The following GPRC5C variants were observed in gnomAD, a reference collection of about 807,000 sequenced individuals.
GPRC5C encodes the protein G protein-coupled receptor family C group 5 member C.
GPRC5C carries 22 observed loss-of-function variants against 31.4 expected under a neutral mutation model. That is an observed-to-expected ratio of 0.70 (90% CI 0.50 to 1.00). GPRC5C has a LOEUF of 1.00. Among genes scored for constraint, GPRC5C ranks in the 50% least tolerant of loss-of-function variants. The pLI is 0.00. For missense variants in GPRC5C, 557 were observed against 597.2 expected, an observed-to-expected ratio of 0.93 and a Z score of 0.70; for synonymous variants, 249 against 257.5, an observed-to-expected ratio of 0.97 and a Z score of 0.32.
chr17:74,449,063 C>T, downstream of GPRC5C: 1 of 404,478 alleles, frequency 2.5e-6, no homozygotes, highest in East Asian at 7.3e-5. Context: ...TGTTTCTCCC[C>T]AGCTAGTCAG....
chr17:74,448,919 A>G, downstream of GPRC5C: 1 of 1,287,340 alleles, frequency 7.8e-7, no homozygotes, highest in South Asian at 1.2e-5. Flanking sequence ...ACCCTGGGTA[A>G]GCCAGTCCAG....
rs754647215 is a variant in GPRC5C, at chr17:74,432,100, C to T, written c.-74C>T. The stretch of plus-strand genomic sequence containing the variant: ...CGCCGGCAGGGCCAGAAACTCCCAT[C>T]TCCCTCACCAGCCGGAAAGTACGAG... On this transcript the variant is annotated 5_prime_UTR_variant, in exon 1 of 4. Coordinates refer to ENST00000392627, the MANE Select transcript of GPRC5C (RefSeq NM_022036.4). 2 of 1,613,382 alleles carry T rather than the reference C, an allele frequency of 1.2e-6. No homozygotes were observed. The highest frequency in any genetic ancestry group is 2.7e-5 in the African/African-American group (2 of 74,938).
In GPRC5C at chr17:74,433,829, T is replaced by G. The variant is rs1416582519; in HGVS notation, c.-33+1688T>G. ...TCCAGTGCGGTATCCTTGGCCCTGG[T>G]GGGTGGAGGGGGTCTCAGGCTTGTG... On this transcript the variant is annotated intron_variant, in intron 1 of 3. Coordinates refer to ENST00000392627, the MANE Select transcript of GPRC5C (RefSeq NM_022036.4). 3.6e-6 allele frequency: 4 copies of G among 1,104,632 alleles called. No individual in the cohort carries two copies. The East Asian group carries it at 9.4e-5, about 26-fold the overall frequency. 68.4% of individuals were successfully genotyped at this position (1,104,632 alleles called of 1,614,324 possible).
intron 2 of GPRC5C, among the ~76,000 whole-genome samples, chr17:74,441,882 CGT>C (rs2055546938): frequency 1.3e-5 from 2 of 151,970 alleles, no homozygotes; most frequent in South Asian, 4.2e-4. Flanking sequence ...GCTGTGTGTG[CGT>C]GTCTATTATT....
rs759990592 is a variant in GPRC5C, at chr17:74,440,844, G to GCC, written c.1051+21_1051+22dup. 4.5e-5 allele frequency: 65 copies of GCC among 1,455,250 alleles called. No homozygotes were observed. In the Middle Eastern group the frequency reaches 5.6e-4, roughly 13 times the overall value. 90.1% of individuals were successfully genotyped at this position (1,455,250 alleles called of 1,614,324 possible). A position where few individuals can be genotyped will look rare whatever the true frequency, so the allele number is the denominator to read the frequency against. On this transcript the variant is annotated intron_variant, in intron 2 of 3. Transcript: ENST00000392627. This position sits in a 1 kb window ranked among gnomAD's most constrained non-coding sequence, Gnocchi z 4.4. The stretch of plus-strand genomic sequence containing the variant: ...CGGTTGCAGGTGGGTCTCTGTGGAT[G>GCC]CCCCCAGTGGCCCCTTTCTCCATCC...
chr17:74,440,494 A>G lies in GPRC5C; in HGVS notation c.718A>G (p.Lys240Glu), dbSNP rs2055515648. Residue 240 changes from lysine to glutamate, a missense_variant, in exon 2 of 4, where the codon AAG becomes GAG. By Grantham distance (56) the Lys-to-Glu change is moderately conservative (BLOSUM62 1). Transcript: ENST00000392627. This position sits in a 1 kb window ranked among gnomAD's most constrained non-coding sequence, Gnocchi z 4.4. ...ALCGRYKRWR[K>E]HGVFVLLTTA... ...GTGTGGCCGCTACAAGCGCTGGCGT[A>G]AGCATGGGGTCTTTGTGCTCCTCAC... The G allele has an allele frequency of 6.2e-7, 1 of 1,614,134 alleles. No individual in the cohort carries two copies. The highest frequency in any genetic ancestry group is 1.3e-5 in the African/African-American group (1 of 75,062).
intron 2 of GPRC5C, among the ~76,000 whole-genome samples, chr17:74,442,355 C>A (rs1186376957): frequency 6.6e-6 from 1 of 152,166 alleles, no homozygotes; most frequent in African/African-American, 2.4e-5. Context: ...GTCTCAGCAG[C>A]GCCCTTGTTA....
chr17:74,433,264 G>A (rs1268372354), intron 1 of GPRC5C, among the ~76,000 whole-genome samples: 1 of 152,156 alleles, frequency 6.6e-6, no homozygotes, highest in Non-Finnish European at 1.5e-5. Context: ...CCTTCAACTG[G>A]ACTGGGGGAG....
At chr17:74,438,836 G>C (rs776885033) in intron 1 of GPRC5C, among the ~76,000 whole-genome samples, 12 of 152,216 alleles carry the variant, frequency 7.9e-5, no homozygotes, top group Non-Finnish European at 1.0e-4. Context: ...AAATCCAATT[G>C]GTATTGGGAG....
At position 74,439,785 on chromosome 17, in the gene GPRC5C, C is replaced by G; in HGVS notation, c.9C>G (p.Ile3Met). ...CTGGCCTGGGAGCCAGGATGGCCAT[C>G]CACAAAGCCTTGGTGATGTGCCTGG... MA[I>M]HKALVMCLGL... The change falls in exon 2 of 4, where the codon ATC becomes ATG. Residue 3 changes from isoleucine (I) to methionine (M), a missense_variant. By Grantham distance (10) the Ile-to-Met change is conservative. Transcript: ENST00000392627. 10 of 1,611,216 alleles carry G rather than the reference C, an allele frequency of 6.2e-6. No individual in the cohort carries two copies. Among genetic ancestry groups the G allele is most frequent in the Non-Finnish European group, 7.6e-6 (9 of 1,178,156 alleles).
intron 3 of GPRC5C, among the ~76,000 whole-genome samples, chr17:74,444,228 G>A (rs1365090143): frequency 6.6e-6 from 1 of 152,190 alleles, no homozygotes; most frequent in Non-Finnish European, 1.5e-5. Context: ...GGAGCTGCCA[G>A]CTTTACCCTG....
At chr17:74,435,432 A>G (rs189324504) in intron 1 of GPRC5C, among the ~76,000 whole-genome samples, 1 of 152,310 alleles carries the variant, frequency 6.6e-6, no homozygotes, top group East Asian at 1.9e-4. Context: ...CAGAGAAATA[A>G]GATATTTCAG....
chr17:74,435,091 C>T (rs1269188112), intron 1 of GPRC5C, among the ~76,000 whole-genome samples: 2 of 151,782 alleles, frequency 1.3e-5, no homozygotes, highest in African/African-American at 4.8e-5. Flanking sequence ...TGGTGGCGGG[C>T]GCCTGTAGTC....
chr17:74,438,249 A>ATATT (rs2055470860), intron 1 of GPRC5C, among the ~76,000 whole-genome samples: 2 of 84,052 alleles, frequency 2.4e-5, no homozygotes, highest in African/African-American at 1.1e-4. Flanking sequence ...ATATATATAT[A>ATATT]TATTTGTTGT....
rs767274056 is a variant in GPRC5C, at chr17:74,440,477, G to A, written c.701G>A (p.Arg234His). Residue 234 changes from arginine to histidine, a missense_variant, in exon 2 of 4, where the codon CGC becomes CAC. By Grantham distance (29) the Arg-to-His change is conservative (BLOSUM62 0). Coordinates refer to ENST00000392627, the MANE Select transcript of GPRC5C (RefSeq NM_022036.4). The surrounding 1 kb of genome is among the most constrained non-coding windows in gnomAD (Gnocchi z 4.4). ...FLGAWPALCGRYKRWRKHGVF... is the reference protein window; with the variant it reads ...FLGAWPALCGHYKRWRKHGVF... ...GGGGCCTGGCCCGCCCTGTGTGGCC[G>A]CTACAAGCGCTGGCGTAAGCATGGG... is the stretch of plus-strand genomic sequence containing the variant. 3.7e-6 allele frequency: 6 copies of A among 1,614,100 alleles called. No individual in the cohort carries two copies. Among genetic ancestry groups the A allele is most frequent in the Admixed American group, 3.3e-5 (2 of 60,032 alleles).
chr17:74,444,219 G>A (rs2055590409), intron 3 of GPRC5C, among the ~76,000 whole-genome samples: 1 of 152,170 alleles, frequency 6.6e-6, no homozygotes, highest in African/African-American at 2.4e-5. Flanking sequence ...TCCCTGGTGG[G>A]AGCTGCCAGC....
At chr17:74,441,526 T>C (rs752108676) in intron 2 of GPRC5C, among the ~76,000 whole-genome samples, 60 of 152,030 alleles carry the variant, frequency 3.9e-4, no homozygotes, top group Admixed American at 1.0e-3. Flanking sequence ...CTTGTGAGGA[T>C]TGAATTAATT....
chr17:74,440,097 T>C lies in GPRC5C; in HGVS notation c.321T>C (p.Cys107=). Residue 107 remains cysteine, a synonymous_variant, in exon 2 of 4, where the codon TGT becomes TGC. Coordinates refer to ENST00000392627, the MANE Select transcript of GPRC5C (RefSeq NM_022036.4). The surrounding 1 kb of genome is among the most constrained non-coding windows in gnomAD (Gnocchi z 4.4). The part of the protein sequence containing the change: ...TLGLFCLVFA[C]VVKPDFSTCA... ...GCCTCTTCTGCCTCGTGTTTGCCTG[T>C]GTGGTGAAGCCCGACTTCTCCACCT... The C allele has an allele frequency of 6.2e-7, 1 of 1,614,058 alleles. No homozygotes were observed. Among genetic ancestry groups the C allele is most frequent in the Non-Finnish European group, 8.5e-7 (1 of 1,180,048 alleles).
intron 1 of GPRC5C, 143 bp downstream of exon 1, chr17:74,432,284 AG>A (rs1305089268): frequency 6.8e-7 from 1 of 1,475,004 alleles, no homozygotes. Context: ...CCTCGCCGAA[AG>A]CAAGGAGCCC....
Sources: allele counts gnomAD v4.1 joint callset (sites outside exome capture counted in the v4.1 genomes callset), GRCh38; gene constraint gnomAD v4.1.1; non-coding constraint Gnocchi (gnomAD v3.1); transcripts MANE v1.5; gene names NCBI Gene and HGNC (gene_info 2026-07-23, HGNC 2026-07-21).